TXLNB: variants seen among roughly 807,000 people sequenced by gnomAD.
The protein encoded by TXLNB is taxilin beta, also known as beta-taxilin.
In TXLNB, 37 loss-of-function variants were observed where a neutral mutation model predicts 57.4. That is an observed-to-expected ratio of 0.64 (90% confidence interval 0.50 to 0.85). TXLNB has a LOEUF of 0.85. Ranked by LOEUF, TXLNB falls within the 40% of genes least tolerant of loss-of-function variation. The probability of loss-of-function intolerance (pLI) is 0.00; values close to 1 mark genes in which losing one functional copy is unlikely to be tolerated. For missense variants in TXLNB, 848 were observed against 825.6 expected, an observed-to-expected ratio of 1.03 and a Z score of -0.33; for synonymous variants, 302 against 309.6, an observed-to-expected ratio of 0.98 and a Z score of 0.26.
chr6:139,225,233 A>C, the TXLNB span, among the ~76,000 whole-genome samples: 1 of 152,234 alleles, frequency 6.6e-6, no homozygotes, highest in Admixed American at 6.5e-5. Context: ...TCTATTTAAT[A>C]GCAAAATATG....
chr6:139,279,938 C>T (rs556315371), intron 2 of TXLNB, among the ~76,000 whole-genome samples: 1 of 152,232 alleles, frequency 6.6e-6, no homozygotes, highest in Non-Finnish European at 1.5e-5. Flanking sequence ...TGGTCACTGG[C>T]ACAGTTTTAT....
chr6:139,198,332 T>C, the TXLNB span, among the ~76,000 whole-genome samples: 15 of 152,192 alleles, frequency 9.9e-5, no homozygotes, highest in African/African-American at 3.1e-4. Context: ...AACTGGAAGG[T>C]ACCCCTTCTC....
chr6:139,205,198 A>G, the TXLNB span, among the ~76,000 whole-genome samples: 18 of 152,212 alleles, frequency 1.2e-4, no homozygotes, highest in African/African-American at 4.1e-4. Flanking sequence ...TCAGGGCATT[A>G]CAGCAACTCT....
chr6:139,306,648 A>G, the TXLNB span, among the ~76,000 whole-genome samples: 3 of 152,206 alleles, frequency 2.0e-5, no homozygotes, highest in South Asian at 2.1e-4. Context: ...ATTGTTCCTC[A>G]TATGATATAG....
chr6:139,160,615 A>G, the TXLNB span, among the ~76,000 whole-genome samples: 3 of 152,090 alleles, frequency 2.0e-5, no homozygotes, highest in Admixed American at 6.5e-5. Flanking sequence ...GAGTCTCACT[A>G]TGTTGTCCAG....
At chr6:139,223,677 CA>C in the TXLNB span, among the ~76,000 whole-genome samples, 1 of 151,380 alleles carries the variant, frequency 6.6e-6, no homozygotes, top group African/African-American at 2.4e-5. Context: ...TTTATGCAGC[CA>C]AAAAACACAT....
At chr6:139,244,838 CAG>C (rs1457878793) in intron 8 of TXLNB, 148 bp from the exon 9 acceptor site, 8 of 630,894 alleles carry the variant, frequency 1.3e-5, no homozygotes, top group Non-Finnish European at 1.9e-5. Flanking sequence ...AAGATTGTAG[CAG>C]AGTCATAATT....
intron 6 of TXLNB, 60 bp from the exon 7 acceptor site, chr6:139,255,698 G>T: frequency 7.3e-7 from 1 of 1,371,260 alleles, no homozygotes; most frequent in Non-Finnish European, 1.0e-6. Context: ...TTACTATTTG[G>T]CTGTAATTTG....
chr6:139,230,482 A>G, the TXLNB span, among the ~76,000 whole-genome samples: 1 of 152,234 alleles, frequency 6.6e-6, no homozygotes, highest in East Asian at 1.9e-4. Flanking sequence ...GCCTCCAAGG[A>G]CGTCACCCTA....
At position 139,257,228 on chromosome 6, in the gene TXLNB, A is replaced by T. The variant is rs529092162; in HGVS notation, c.1003-1590T>A. Among the ~76,000 whole-genome samples the T allele has an allele frequency of 3.9e-5, 6 of 152,078 alleles. No homozygotes were observed. In the South Asian group the frequency reaches 1.2e-3, roughly 32 times the overall value. ...GTGTGTGTTTAGCGATAGTGCTAGA[A>T]CCTAAAAATACTTATGAAGCAGCTT... On this transcript the variant is annotated intron_variant, in intron 6 of 9. Transcript: ENST00000358430.
At chr6:139,182,633 C>A in the TXLNB span, among the ~76,000 whole-genome samples, 1 of 152,174 alleles carries the variant, frequency 6.6e-6, no homozygotes, top group African/African-American at 2.4e-5. Flanking sequence ...GTTCTCTCAA[C>A]TCTGCAGTGA....
the TXLNB span, among the ~76,000 whole-genome samples, chr6:139,160,765 A>T: frequency 2.6e-4 from 39 of 152,350 alleles, 1 homozygote; most frequent in South Asian, 7.7e-3. Context: ...ACATTGGAAA[A>T]AGTAGAAAAC....
At chr6:139,194,590 A>G in the TXLNB span, among the ~76,000 whole-genome samples, 1 of 152,128 alleles carries the variant, frequency 6.6e-6, no homozygotes, top group East Asian at 1.9e-4. Flanking sequence ...GAATTCAACC[A>G]CCTCACACAA....
At chr6:139,276,737 A>G in intron 3 of TXLNB, 93 bp downstream of exon 3, 1 of 919,800 alleles carries the variant, frequency 1.1e-6, no homozygotes, top group East Asian at 2.5e-5. Flanking sequence ...TTTACAATTC[A>G]TTCTCGGATT....
At chr6:139,281,002 C>T (rs1446511753) in intron 2 of TXLNB, among the ~76,000 whole-genome samples, 2 of 152,094 alleles carry the variant, frequency 1.3e-5, no homozygotes, top group Admixed American at 6.5e-5. Flanking sequence ...GATAGGAGAC[C>T]TGGGTTCCAG....
the TXLNB span, among the ~76,000 whole-genome samples, chr6:139,319,131 A>T: frequency 4.4e-4 from 67 of 151,596 alleles, no homozygotes; most frequent in African/African-American, 1.5e-3. Context: ...TTCAGTAGAG[A>T]CGGGGTTTTA....
chr6:139,294,651 C>A (rs1777358218), upstream of TXLNB, among the ~76,000 whole-genome samples: 1 of 152,124 alleles, frequency 6.6e-6, no homozygotes, highest in Non-Finnish European at 1.5e-5. Context: ...AATTTGCCTG[C>A]ACCTTGATCT....
the TXLNB span, among the ~76,000 whole-genome samples, chr6:139,196,327 T>C: frequency 3.3e-3 from 502 of 150,422 alleles, 2 homozygotes; most frequent in Non-Finnish European, 5.4e-3. Flanking sequence ...ATTTTTATAA[T>C]AATAAAGGAA....
chr6:139,320,527 G>C, the TXLNB span, among the ~76,000 whole-genome samples: 1 of 152,142 alleles, frequency 6.6e-6, no homozygotes, highest in Admixed American at 6.5e-5. Flanking sequence ...TTGGAGACGA[G>C]ACACTGGAAA....
Sources: gnomAD v4.1 joint callset for allele counts (sites outside exome capture counted in the v4.1 genomes callset) on GRCh38, gnomAD v4.1.1 for gene constraint, MANE v1.5 for transcripts, NCBI Gene and HGNC (gene_info 2026-07-23, HGNC 2026-07-21) for gene names.